Variants in SLC9A9 observed in about 807,000 individuals in gnomAD.
The protein encoded by SLC9A9 is solute carrier family 9 member A9.
A neutral mutation model predicts 77.8 loss-of-function variants in SLC9A9; 62 were observed. The ratio of observed to expected loss-of-function variants is 0.80; its 90% CI spans 0.65 to 0.98. The LOEUF (loss-of-function observed/expected upper bound fraction) is 0.98, where lower values mean the gene tolerates loss of function less well. Among genes scored for constraint, SLC9A9 ranks in the 50% least tolerant of loss-of-function variants. The pLI, the probability that SLC9A9 is intolerant of heterozygous loss-of-function variation, is 0.00. For missense variants in SLC9A9, 775 were observed against 774.9 expected, an observed-to-expected ratio of 1.00 and a Z score of 0.00; for synonymous variants, 320 against 283.5, an observed-to-expected ratio of 1.13 and a Z score of -1.29.
intron 4 of SLC9A9, among the ~76,000 whole-genome samples, chr3:143,788,481 A>T (rs1333101259): frequency 1.3e-5 from 2 of 152,134 alleles, no homozygotes; most frequent in African/African-American, 4.8e-5. Context: ...ACCTGAGGTC[A>T]GGAGTTAGAG....
intron 2 of SLC9A9, among the ~76,000 whole-genome samples, chr3:143,822,059 C>T (rs2009180249): frequency 6.6e-6 from 1 of 152,168 alleles, no homozygotes; most frequent in Non-Finnish European, 1.5e-5. Context: ...CCAGAGTGAC[C>T]CACATCAAAG....
chr3:143,782,930 A>T (rs1211705105), intron 4 of SLC9A9, among the ~76,000 whole-genome samples: 1 of 152,162 alleles, frequency 6.6e-6, no homozygotes, highest in Admixed American at 6.5e-5. Flanking sequence ...GTTGCCCATG[A>T]TGGCCTTAAT....
Position 143,415,398 on chromosome 3 carries a change from C to T in SLC9A9, c.1470-33284G>A, listed in dbSNP as rs114625044. ...AAGCTTTAAAGGACAGGCTGATTCTCTTGTGAGGGGCTAATGCAGCCAGTG... is the reference window on the plus strand; with the variant it reads ...AAGCTTTAAAGGACAGGCTGATTCTTTTGTGAGGGGCTAATGCAGCCAGTG... On this transcript the variant is annotated intron_variant, in intron 12 of 15. Coordinates refer to ENST00000316549, the MANE Select transcript of SLC9A9 (RefSeq NM_173653.4). 7.6e-3 allele frequency among the ~76,000 whole-genome samples: 1,164 copies of T among 152,292 alleles called. 14 individuals are homozygous for T. Among genetic ancestry groups the T allele is most frequent in the African/African-American group, 0.026 (1,089 of 41,564 alleles).
chr3:143,821,145 T>A (rs908482490), intron 2 of SLC9A9, among the ~76,000 whole-genome samples: 2 of 152,182 alleles, frequency 1.3e-5, no homozygotes, highest in African/African-American at 2.4e-5. Context: ...AATTGGTGCA[T>A]ATTTTTAAAT....
intron 7 of SLC9A9, among the ~76,000 whole-genome samples, chr3:143,575,673 A>G (rs1437553997): frequency 2.0e-5 from 3 of 152,144 alleles, no homozygotes; most frequent in Admixed American, 2.0e-4. Context: ...TGTTCTCCTG[A>G]ATTCCCTCTT....
intron 4 of SLC9A9, among the ~76,000 whole-genome samples, chr3:143,697,401 C>G (rs1048292457): frequency 6.6e-6 from 1 of 151,950 alleles, no homozygotes; most frequent in African/African-American, 2.4e-5. Context: ...TAAATAATAG[C>G]CATAATAAAA....
At chr3:143,581,711 T>C (rs2037457093) in intron 6 of SLC9A9, among the ~76,000 whole-genome samples, 1 of 152,170 alleles carries the variant, frequency 6.6e-6, no homozygotes, top group Non-Finnish European at 1.5e-5. Context: ...AGTGACAGTG[T>C]GATGCTAACT....
chr3:143,293,567 A>C (rs2030113020), intron 14 of SLC9A9, among the ~76,000 whole-genome samples: 1 of 152,176 alleles, frequency 6.6e-6, no homozygotes, highest in Non-Finnish European at 1.5e-5. Context: ...AGGAAAGAGG[A>C]CTTTCAAAAT....
intron 6 of SLC9A9, among the ~76,000 whole-genome samples, chr3:143,579,160 G>A (rs75163450): frequency 0.025 from 3,737 of 152,192 alleles, 140 homozygotes; most frequent in African/African-American, 0.085. Flanking sequence ...ACAAATCACC[G>A]TGTGCACAAA....
chr3:143,277,102 G>C (rs1938073294), intron 14 of SLC9A9, among the ~76,000 whole-genome samples: 1 of 152,192 alleles, frequency 6.6e-6, no homozygotes, highest in Admixed American at 6.5e-5. Flanking sequence ...GGGCAGTGGA[G>C]TTGGTTGGAA....
At chr3:143,773,703 C>T (rs2007602190) in intron 4 of SLC9A9, among the ~76,000 whole-genome samples, 1 of 152,062 alleles carries the variant, frequency 6.6e-6, no homozygotes, top group Non-Finnish European at 1.5e-5. Flanking sequence ...AGGCTGGTCT[C>T]GAACTCCTGA....
At chr3:143,601,016 G>A (rs2037837002) in intron 6 of SLC9A9, among the ~76,000 whole-genome samples, 2 of 152,212 alleles carry the variant, frequency 1.3e-5, no homozygotes, top group South Asian at 4.1e-4. Flanking sequence ...GTGTATTTGT[G>A]TAAGCACACA....
chr3:143,561,878 T>C (rs1206637441), intron 8 of SLC9A9, among the ~76,000 whole-genome samples: 2 of 152,234 alleles, frequency 1.3e-5, no homozygotes, highest in African/African-American at 4.8e-5. Flanking sequence ...GACTGGGAGA[T>C]AGTACAAGCT....
At chr3:143,284,908 C>G (rs1938339034) in intron 14 of SLC9A9, among the ~76,000 whole-genome samples, 1 of 152,110 alleles carries the variant, frequency 6.6e-6, no homozygotes, top group Non-Finnish European at 1.5e-5. Context: ...ATGATACAGA[C>G]AGCTCTATAT....
intron 12 of SLC9A9, among the ~76,000 whole-genome samples, chr3:143,443,452 C>T (rs2034786403): frequency 6.6e-6 from 1 of 151,992 alleles, no homozygotes; most frequent in African/African-American, 2.4e-5. Flanking sequence ...TAATGTGCTG[C>T]TTGTACCCTG....
chr3:143,809,364 T>C (rs1404390878), intron 2 of SLC9A9, among the ~76,000 whole-genome samples: 1 of 152,260 alleles, frequency 6.6e-6, no homozygotes, highest in Non-Finnish European at 1.5e-5. Context: ...GAGAATGGCA[T>C]GCAGCATGCA....
chr3:143,375,749 T>C (rs1199908810), intron 13 of SLC9A9, among the ~76,000 whole-genome samples: 1 of 152,204 alleles, frequency 6.6e-6, no homozygotes, highest in Non-Finnish European at 1.5e-5. Flanking sequence ...ACTTGTGAGA[T>C]AAGTATTTAT....
intron 14 of SLC9A9, among the ~76,000 whole-genome samples, chr3:143,287,235 C>T (rs1389791643): frequency 6.6e-6 from 1 of 152,108 alleles, no homozygotes; most frequent in African/African-American, 2.4e-5. Context: ...TGATAACATT[C>T]CCTATTTTGT....
intron 12 of SLC9A9, among the ~76,000 whole-genome samples, chr3:143,409,711 G>C (rs1472011451): frequency 6.6e-6 from 1 of 152,200 alleles, no homozygotes; most frequent in Non-Finnish European, 1.5e-5. Flanking sequence ...TTGAGCTGCT[G>C]CTTTTCCTAG....
Sources: gnomAD v4.1 joint callset for allele counts (sites outside exome capture counted in the v4.1 genomes callset) on GRCh38, gnomAD v4.1.1 for gene constraint, MANE v1.5 for transcripts, NCBI Gene and HGNC (gene_info 2026-07-23, HGNC 2026-07-21) for gene names.